DDX17: variants seen among roughly 807,000 people sequenced by gnomAD.
The protein encoded by DDX17 is DEAD-box helicase 17.
DDX17 carries 10 observed loss-of-function variants against 80.8 expected under a neutral mutation model. The observed-to-expected ratio is 0.12, with a 90% CI of 0.08 to 0.21. The LOEUF (loss-of-function observed/expected upper bound fraction) is 0.21. Ranked by LOEUF, DDX17 falls within the 10% of genes least tolerant of loss-of-function variation. The probability of loss-of-function intolerance (pLI) is 1.00; values close to 1 mark genes in which losing one functional copy is unlikely to be tolerated. For missense variants in DDX17, 586 were observed against 957.4 expected, an observed-to-expected ratio of 0.61 and a Z score of 5.12; for synonymous variants, 339 against 336.2, an observed-to-expected ratio of 1.01 and a Z score of -0.09.
rs1458273412 is a variant in DDX17, at chr22:38,495,873, C to T, written c.803G>A (p.Gly268Asp). ...AGTACTCTTCAATCTAGAACATTTG[C>T]CATAGTCATCGGCCACCTGCTGTAC... is the stretch of plus-strand genomic sequence containing the variant. The change falls in exon 6 of 13, where the codon GGC (glycine) becomes GAC (aspartate). Residue 268 changes from glycine to aspartate, a missense_variant. Gly to Asp is a moderately conservative substitution (Grantham distance 94). Around this residue, in one of 4 missense-constraint regions of DDX17, gnomAD observed 141 missense variants for 379.3 expected, o/e 0.37. Coordinates refer to ENST00000403230, the MANE Select transcript of DDX17 (RefSeq NM_006386.5). The T allele has an allele frequency of 6.2e-7, 1 of 1,612,058 alleles. No individual in the cohort carries two copies. Among genetic ancestry groups the T allele is most frequent in the Non-Finnish European group, 8.5e-7 (1 of 1,179,170 alleles).
Position 38,484,658 on chromosome 22 carries a change from A to G in DDX17, c.*1277T>C, listed in dbSNP as rs1292599981. 13 of 152,228 alleles carry G rather than the reference A, an allele frequency of 8.5e-5. No individual in the cohort carries two copies. The highest frequency in any genetic ancestry group is 2.7e-4 in the African/African-American group (11 of 41,450). The allele number at this position is 152,228 out of a possible 1,614,324, so 9.4% of individuals were successfully genotyped here. On this transcript the variant is annotated 3_prime_UTR_variant, in exon 13 of 13. Transcript: ENST00000403230. ...AATTCTTTCTGGGTCCATCTGCTAT[A>G]AAGTCTTGGTAAAACAGCATTACCA...
rs2089688836 is a variant in DDX17 at position 38,489,009 on chromosome 22, A to C, written c.1448-894T>G. ...CTACTGCTGGGAATTGGGCTGAATAACCTCCTAAGGCTTAAAATGTAAATG... is the reference window on the plus strand; with the variant it reads ...CTACTGCTGGGAATTGGGCTGAATACCCTCCTAAGGCTTAAAATGTAAATG... On this transcript the variant is annotated intron_variant, in intron 11 of 12. Transcript: ENST00000403230. The surrounding 1 kb of genome is among the most constrained non-coding windows in gnomAD (Gnocchi z 4.6). 1 of 985,170 alleles carries C rather than the reference A, an allele frequency of 1.0e-6. No homozygotes were observed. The highest frequency in any genetic ancestry group is 1.7e-5 in the African/African-American group (1 of 57,194). 61.0% of individuals were successfully genotyped at this position (985,170 alleles called of 1,614,324 possible). A position where few individuals can be genotyped will look rare whatever the true frequency, so the allele number is the denominator to read the frequency against.
rs185366376 is a variant in DDX17 at position 38,504,951 on chromosome 22, C to A, written c.287+1000G>T. Among the ~76,000 whole-genome samples, 566 of 152,326 alleles carry A rather than the reference C, an allele frequency of 3.7e-3. 2 individuals carry two copies. The highest frequency in any genetic ancestry group is 8.4e-3 in the Admixed American group (129 of 15,300). ...GGGAGACGGAGTTTCGCTCTTGCCA[C>A]GGGCTGGAGTGCAATGGCGCGATCT... On this transcript the variant is annotated intron_variant, in intron 1 of 12. Coordinates refer to ENST00000403230, the MANE Select transcript of DDX17 (RefSeq NM_006386.5).
At position 38,488,511 on chromosome 22, in the gene DDX17, A is replaced by C. The variant is rs1016753803; in HGVS notation, c.1448-396T>G. 3 of 1,053,802 alleles carry C rather than the reference A, an allele frequency of 2.8e-6. No homozygotes were observed. In the African/African-American group the frequency reaches 5.0e-5, roughly 18 times the overall value. The allele number at this position is 1,053,802 out of a possible 1,614,324, so 65.3% of individuals were successfully genotyped here. A position where few individuals can be genotyped will look rare whatever the true frequency, so the allele number is the denominator to read the frequency against. On this transcript the variant is annotated intron_variant, in intron 11 of 12. Transcript: ENST00000403230. ...AGTGGTAAACCACTGTGAAGTTATG[A>C]GGCCAAATCACTTCTACTCTGTTGG... is the stretch of plus-strand genomic sequence containing the variant.
intron 9 of DDX17, 112 bp from the exon 10 acceptor site, chr22:38,493,883 A>G: frequency 8.0e-7 from 1 of 1,254,442 alleles, no homozygotes; most frequent in East Asian, 2.3e-5. Context: ...GGCTTCATGA[A>G]TAGATGACTG....
chr22:38,505,578 G>C, intron 1 of DDX17: 3 of 228,270 alleles, frequency 1.3e-5, no homozygotes, highest in Non-Finnish European at 1.7e-5. Flanking sequence ...CCGAGGCCTG[G>C]AGACATCGAA....
At chr22:38,498,183 C>T in intron 4 of DDX17, 33 bp from the exon 5 acceptor site, 4 of 1,602,662 alleles carry the variant, frequency 2.5e-6, no homozygotes, top group Non-Finnish European at 3.4e-6. Context: ...CAACCTTACG[C>T]TTAGAAGTAC....
intron 12 of DDX17, among the ~76,000 whole-genome samples, chr22:38,487,117 G>A (rs562916324): frequency 2.0e-5 from 3 of 152,248 alleles, no homozygotes; most frequent in South Asian, 2.1e-4. Context: ...GAAGTGAGCC[G>A]AGATCGTGCC....
chr22:38,490,378 G>A (rs774604252), intron 11 of DDX17: 8 of 1,289,314 alleles, frequency 6.2e-6, no homozygotes, highest in Non-Finnish European at 7.1e-6. Flanking sequence ...AGCTGCTTCC[G>A]GCCAATGTAG....
chr22:38,499,581 A>G, intron 2 of DDX17, 82 bp from the exon 3 acceptor site: 1 of 1,099,634 alleles, frequency 9.1e-7, no homozygotes. Flanking sequence ...CTGAGCAATT[A>G]TCCAGTCCAC....
chr22:38,501,378 T>C, intron 1 of DDX17, 98 bp from the exon 2 acceptor site: 2 of 1,357,210 alleles, frequency 1.5e-6, no homozygotes. Context: ...CTAGGGATAC[T>C]ACCAGCCTAC....
Position 38,485,750 on chromosome 22 carries a change from G to A in DDX17, c.*185C>T. The A allele has an allele frequency of 1.4e-6, 1 of 718,244 alleles. No homozygotes were observed. Among genetic ancestry groups the A allele is most frequent in the Non-Finnish European group, 2.0e-6 (1 of 510,496 alleles). 44.5% of individuals were successfully genotyped at this position (718,244 alleles called of 1,614,324 possible). A position where few individuals can be genotyped will look rare whatever the true frequency, so the allele number is the denominator to read the frequency against. On this transcript the variant is annotated 3_prime_UTR_variant, in exon 13 of 13. Coordinates refer to ENST00000403230, the MANE Select transcript of DDX17 (RefSeq NM_006386.5). ...GACTGGATCATTTTGGTGGGCAGAA[G>A]AAACCTGGCAGTGAATTCTAACTAA...
intron 10 of DDX17, chr22:38,493,507 A>G (rs1447309914): frequency 1.6e-5 from 9 of 567,850 alleles, no homozygotes; most frequent in Admixed American, 6.6e-5. Context: ...ACTTCTTTAC[A>G]TATTATCTAC....
Position 38,486,302 on chromosome 22 carries a change from G to A in DDX17, c.1823C>T (p.Thr608Ile). 1 of 1,614,146 alleles carries A rather than the reference G, an allele frequency of 6.2e-7. No individual in the cohort carries two copies. The highest frequency in any genetic ancestry group is 8.5e-7 in the Non-Finnish European group (1 of 1,180,030). The change falls in exon 13 of 13, where the codon ACC becomes ATC. Residue 608 changes from threonine to isoleucine, a missense_variant. Transcript: ENST00000403230. ...GCCATTAGCATAACCAGCTCTATCG[G>A]TTTCACTACGATCCCGATAGCTTGC...
At chr22:38,491,782 T>C (rs912207764) in intron 11 of DDX17, 2 of 320,664 alleles carry the variant, frequency 6.2e-6, no homozygotes, top group African/African-American at 2.2e-5. Flanking sequence ...TCTGTTTGAA[T>C]AGTCATGCCT....
At chr22:38,498,366 C>T (rs1232705221) in intron 4 of DDX17, 74 bp downstream of exon 4, 2 of 1,589,128 alleles carry the variant, frequency 1.3e-6, no homozygotes, top group African/African-American at 1.3e-5. Flanking sequence ...CTACGAAGAA[C>T]TGAGAACGTA....
chr22:38,500,508 C>T (rs879659748), intron 2 of DDX17, among the ~76,000 whole-genome samples: 7 of 151,070 alleles, frequency 4.6e-5, no homozygotes, highest in East Asian at 2.0e-4. Context: ...AGCAAGATTC[C>T]GTCTCAAAAA....
Position 38,495,027 on chromosome 22 carries a change from G to T in DDX17, c.900C>A (p.Ala300=), listed in dbSNP as rs2089746323. Residue 300 remains alanine, a synonymous_variant, in exon 7 of 13, where the codon GCC becomes GCA. Transcript: ENST00000403230. ...GGAAATCTATCAGACGTCCAGGAGT[G>T]GCTATGCAGATCTCAACACCTGTAA... 6.2e-7 allele frequency: 1 copy of T among 1,613,584 alleles called. No individual in the cohort carries two copies. The highest frequency in any genetic ancestry group is 8.5e-7 in the Non-Finnish European group (1 of 1,179,846).
rs377481160 is a variant in DDX17 at position 38,506,158 on chromosome 22, G to A, written c.80C>T (p.Ala27Val). 2 of 1,589,050 alleles carry A rather than the reference G, an allele frequency of 1.3e-6. No individual in the cohort carries two copies. Among genetic ancestry groups the A allele is most frequent in the African/African-American group, 2.7e-5 (2 of 74,226 alleles). ...TCGCTCCGACGCGCTGTCTCCCGTC[G>A]CAGACGCCACCGTCGCCGCCTCTCT... Residue 27 changes from alanine to valine, a missense_variant, in exon 1 of 13, where the codon GCG becomes GTG. Ala to Val is a moderately conservative substitution (Grantham distance 64). Transcript: ENST00000403230.
Sources: allele counts gnomAD v4.1 joint callset (sites outside exome capture counted in the v4.1 genomes callset), GRCh38; gene constraint gnomAD v4.1.1; regional missense constraint gnomAD v4.1.1; non-coding constraint Gnocchi (gnomAD v3.1); transcripts MANE v1.5; gene names NCBI Gene and HGNC (gene_info 2026-07-23, HGNC 2026-07-21).